AGBL1: variants seen among roughly 807,000 people sequenced by gnomAD.
The protein encoded by AGBL1 is cytosolic carboxypeptidase 4.
A neutral mutation model predicts 118.9 loss-of-function variants in AGBL1; 130 were observed. The ratio of observed to expected loss-of-function variants is 1.09; its 90% CI spans 0.95 to 1.26. AGBL1 has a LOEUF of 1.26. Ranked by LOEUF, AGBL1 falls within the 50% of genes most tolerant of loss-of-function variation. The pLI is 0.00. For missense variants in AGBL1, 1,584 were observed against 1,298.1 expected (o/e 1.22, Z -3.38); for synonymous variants, 555 against 478.9 (o/e 1.16, Z -2.08).
intron 1 of AGBL1, chr15:86,116,582 C>G (rs936237681): frequency 6.6e-6 from 1 of 152,286 alleles, no homozygotes; most frequent in South Asian, 2.1e-4. Flanking sequence ...TGAACTTACT[C>G]TCTCTTCTTG....
At chr15:86,834,277 C>G (rs2079143537) in intron 22 of AGBL1, among the ~76,000 whole-genome samples, 1 of 152,108 alleles carries the variant, frequency 6.6e-6, no homozygotes. Context: ...GGATAAAGTT[C>G]TGAGTCACTC....
intron 22 of AGBL1, among the ~76,000 whole-genome samples, chr15:86,744,575 A>T (rs1031136812): frequency 2.6e-5 from 4 of 152,124 alleles, no homozygotes; most frequent in African/African-American, 9.7e-5. Flanking sequence ...CAAAGGGCAG[A>T]GGCACCTTTC....
At chr15:86,429,143 C>G (rs1450402343) in intron 18 of AGBL1, among the ~76,000 whole-genome samples, 2 of 152,200 alleles carry the variant, frequency 1.3e-5, no homozygotes, top group Non-Finnish European at 2.9e-5. Flanking sequence ...TCATGAGGAC[C>G]TTAGGTCTAG....
At chr15:86,403,719 C>T (rs57516061) in intron 18 of AGBL1, among the ~76,000 whole-genome samples, 2 of 152,156 alleles carry the variant, frequency 1.3e-5, no homozygotes, top group Non-Finnish European at 2.9e-5. Context: ...AGCACACAGG[C>T]GTTCAGTTTT....
At position 86,909,494 on chromosome 15, in the gene AGBL1, T is replaced by G. The variant is rs572841220; in HGVS notation, c.*2200T>G. 2 of 152,312 alleles carry G rather than the reference T, an allele frequency of 1.3e-5. No individual in the cohort carries two copies. Among genetic ancestry groups the G allele is most frequent in the African/African-American group, 4.8e-5 (2 of 41,570 alleles). 9.4% of individuals were successfully genotyped at this position (152,312 alleles called of 1,614,324 possible). On this transcript the variant is annotated 3_prime_UTR_variant, in exon 23 of 23. Transcript: ENST00000614907. ...TGGGAGTTGATAACATTATTAATAG[T>G]CTCTTATTTTTTTAACTCTTTTCCA... is the stretch of plus-strand genomic sequence containing the variant.
intron 22 of AGBL1, among the ~76,000 whole-genome samples, chr15:86,804,526 G>GA (rs2078692194): frequency 6.6e-6 from 1 of 152,090 alleles, no homozygotes; most frequent in East Asian, 1.9e-4. Flanking sequence ...CTGGCCTCAG[G>GA]AAAAATGCAA....
At chr15:86,940,033 C>G (rs1342628064) in intron 23 of AGBL1, among the ~76,000 whole-genome samples, 2 of 139,776 alleles carry the variant, frequency 1.4e-5, no homozygotes, top group African/African-American at 5.2e-5. Context: ...AGGCATGTGT[C>G]AACAAACTCA....
At chr15:86,582,725 G>A (rs573689808) in intron 21 of AGBL1, among the ~76,000 whole-genome samples, 3 of 152,172 alleles carry the variant, frequency 2.0e-5, no homozygotes, top group East Asian at 1.9e-4. Flanking sequence ...CATGGATGAA[G>A]CTGGAAACTA....
At chr15:86,723,622 T>A (rs1174559803) in intron 22 of AGBL1, among the ~76,000 whole-genome samples, 4 of 152,136 alleles carry the variant, frequency 2.6e-5, no homozygotes, top group East Asian at 1.9e-4. Flanking sequence ...AACCTGCACG[T>A]TGTGCACATG....
At chr15:86,747,426 AGTAT>A (rs951559693) in intron 22 of AGBL1, among the ~76,000 whole-genome samples, 32 of 152,174 alleles carry the variant, frequency 2.1e-4, no homozygotes, top group African/African-American at 7.5e-4. Flanking sequence ...AAAATGTCTA[AGTAT>A]GAAAGTCTAA....
intron 22 of AGBL1, among the ~76,000 whole-genome samples, chr15:86,710,303 C>T (rs10520638): frequency 0.054 from 8,165 of 152,198 alleles, 452 homozygotes; most frequent in African/African-American, 0.14. Flanking sequence ...GAATTCATCG[C>T]TTTACTTAGT....
intron 18 of AGBL1, among the ~76,000 whole-genome samples, chr15:86,459,570 T>C (rs980424736): frequency 2.0e-5 from 3 of 152,178 alleles, no homozygotes; most frequent in African/African-American, 7.2e-5. Flanking sequence ...TAAGCTCTTA[T>C]AAATTTTTTC....
chr15:86,547,689 T>A (rs917899466), intron 20 of AGBL1, among the ~76,000 whole-genome samples: 3 of 152,160 alleles, frequency 2.0e-5, no homozygotes, highest in African/African-American at 7.2e-5. Flanking sequence ...AGCAATGCTG[T>A]TAAAAAGATT....
chr15:86,918,368 G>A, downstream of AGBL1, among the ~76,000 whole-genome samples: 1 of 152,070 alleles, frequency 6.6e-6, no homozygotes, highest in East Asian at 1.9e-4. Flanking sequence ...TCTCCCCATG[G>A]TGTAACACCT....
intron 21 of AGBL1, among the ~76,000 whole-genome samples, chr15:86,633,405 G>A (rs887061550): frequency 2.0e-5 from 3 of 152,036 alleles, no homozygotes; most frequent in African/African-American, 7.2e-5. Flanking sequence ...AACAGGACCT[G>A]TTTATGAAAT....
chr15:86,186,108 G>A (rs2077628734), intron 5 of AGBL1, among the ~76,000 whole-genome samples: 2 of 152,246 alleles, frequency 1.3e-5, no homozygotes, highest in East Asian at 3.9e-4. Flanking sequence ...TGTATTTGCT[G>A]TCCCCCAAAA....
intron 18 of AGBL1, among the ~76,000 whole-genome samples, chr15:86,498,027 G>A (rs2142155134): frequency 6.6e-6 from 1 of 151,850 alleles, no homozygotes; most frequent in South Asian, 2.1e-4. Flanking sequence ...TAATGAATGA[G>A]TGCCTATATT....
chr15:86,466,934 C>T (rs2082415476), intron 18 of AGBL1, among the ~76,000 whole-genome samples: 1 of 152,242 alleles, frequency 6.6e-6, no homozygotes, highest in Non-Finnish European at 1.5e-5. Flanking sequence ...GTCTCCCCAT[C>T]TGGAGTCATG....
intron 22 of AGBL1, among the ~76,000 whole-genome samples, chr15:86,737,412 C>T (rs2077617985): frequency 6.6e-6 from 1 of 152,184 alleles, no homozygotes; most frequent in Non-Finnish European, 1.5e-5. Context: ...TTCTGGTTAT[C>T]ACAACATCTC....
Sources: gnomAD v4.1 joint callset for allele counts (sites outside exome capture counted in the v4.1 genomes callset) on GRCh38, gnomAD v4.1.1 for gene constraint, MANE v1.5 for transcripts, NCBI Gene and HGNC (gene_info 2026-07-23, HGNC 2026-07-21) for gene names.